The following FRMD8 variants were observed in gnomAD, a reference collection of about 807,000 sequenced individuals.
The protein encoded by FRMD8 is FERM domain-containing protein 8.
Under a neutral mutation model 54.2 loss-of-function variants are expected in FRMD8, and 37 were observed. The observed-to-expected ratio is 0.68, with a 90% CI of 0.53 to 0.90. The LOEUF is 0.90. Among genes scored for constraint, FRMD8 ranks in the 40% least tolerant of loss-of-function variants. The probability of loss-of-function intolerance (pLI) is 0.00; values close to 1 mark genes in which losing one functional copy is unlikely to be tolerated. For synonymous variants in FRMD8, 246 were observed against 286.9 expected (o/e 0.86, Z 1.44); for missense variants, 585 against 653.7 (o/e 0.89, Z 1.15).
At chr11:65,391,076 C>T (rs147183686) in intron 3 of FRMD8, among the ~76,000 whole-genome samples, 6 of 152,392 alleles carry the variant, frequency 3.9e-5, no homozygotes, top group African/African-American at 9.6e-5. Flanking sequence ...GCCCCAGGGC[C>T]GTGAGTGCCC....
chr11:65,382,011 C>T, upstream of FRMD8: 1 of 1,417,134 alleles, frequency 7.1e-7, no homozygotes, highest in Non-Finnish European at 1.0e-6. The surrounding 1 kb of genome is among the most constrained non-coding windows in gnomAD (Gnocchi z 4.4). Flanking sequence ...ATTCCCCCCT[C>T]TCCCTCCCCT....
intron 6 of FRMD8, among the ~76,000 whole-genome samples, chr11:65,396,181 A>G (rs531665081): frequency 6.6e-6 from 1 of 152,150 alleles, no homozygotes; most frequent in African/African-American, 2.4e-5. Flanking sequence ...GGCAGGAGGC[A>G]GGAAGGGTTG....
chr11:65,395,507 C>T (rs372588267), intron 6 of FRMD8, among the ~76,000 whole-genome samples: 1 of 152,206 alleles, frequency 6.6e-6, no homozygotes, highest in African/African-American at 2.4e-5. Flanking sequence ...CCATTGCACT[C>T]TAGCCTGGGC....
At chr11:65,396,713 T>C in intron 6 of FRMD8, 86 bp from the exon 7 acceptor site, 1 of 847,308 alleles carries the variant, frequency 1.2e-6, no homozygotes, top group Middle Eastern at 2.4e-4. Context: ...GTCTGCTTCC[T>C]CCAGGCAGCC....
the FRMD8 span, chr11:65,378,323 C>T: frequency 6.6e-6 from 1 of 152,242 alleles, no homozygotes; most frequent in East Asian, 1.9e-4. Flanking sequence ...CCACTCCACA[C>T]TAAAACACAT....
At chr11:65,370,167 G>T in the FRMD8 span, among the ~76,000 whole-genome samples, 1 of 151,534 alleles carries the variant, frequency 6.6e-6, no homozygotes, top group African/African-American at 2.4e-5. Flanking sequence ...GCTGCAGTGG[G>T]CTTTGATCCT....
chr11:65,381,877 T>C (rs765180631), upstream of FRMD8: 12 of 1,611,978 alleles, frequency 7.4e-6, no homozygotes, highest in South Asian at 4.4e-5. Context: ...TGACCTACCA[T>C]TGGGTGTGAT....
chr11:65,372,415 A>G, the FRMD8 span, among the ~76,000 whole-genome samples: 2 of 152,170 alleles, frequency 1.3e-5, no homozygotes, highest in African/African-American at 4.8e-5. Context: ...GATTGGTGGA[A>G]GGAACTTGGG....
Position 65,412,870 on chromosome 11 carries a change from T to G in FRMD8, c.*1510T>G, listed in dbSNP as rs911006055. ...TTGGAATGTCCTGGTCACAGGGTCA[T>G]GTCAGCTGCCAGTTCTCGTCTCCCG... is the stretch of plus-strand genomic sequence containing the variant. On this transcript the variant is annotated 3_prime_UTR_variant, in exon 11 of 11. Coordinates refer to ENST00000317568, the MANE Select transcript of FRMD8 (RefSeq NM_031904.5). 1 of 152,300 alleles carries G rather than the reference T, an allele frequency of 6.6e-6. No homozygotes were observed. Among genetic ancestry groups the G allele is most frequent in the Non-Finnish European group, 1.5e-5 (1 of 68,070 alleles). The allele number at this position is 152,300 out of a possible 1,614,324, so 9.4% of individuals were successfully genotyped here.
upstream of FRMD8, among the ~76,000 whole-genome samples, chr11:65,383,906 C>T (rs999010732): frequency 2.6e-5 from 4 of 152,056 alleles, no homozygotes; most frequent in South Asian, 2.1e-4. Flanking sequence ...ACCCAATGGG[C>T]GGTTACATTA....
intron 3 of FRMD8, among the ~76,000 whole-genome samples, chr11:65,390,534 T>C (rs933053220): frequency 6.6e-6 from 1 of 151,770 alleles, no homozygotes; most frequent in African/African-American, 2.4e-5. Context: ...GCACCCCTGC[T>C]CCCCACCCTC....
In FRMD8 at chr11:65,400,777, C is replaced by G; in HGVS notation, c.981C>G (p.Pro327=). ...FQELSWDHTS[P]EEEEPILWLE... is the part of the protein sequence containing the mutation. ...AGCTGTCGTGGGACCACACCTCCCC[C>G]GAGGAGGAGGAGCCCATCTTGTGGC... Residue 327 remains proline (P), a synonymous_variant, in exon 9 of 11, where the codon CCC becomes CCG. Coordinates refer to ENST00000317568, the MANE Select transcript of FRMD8 (RefSeq NM_031904.5). The surrounding 1 kb of genome is among the most constrained non-coding windows in gnomAD (Gnocchi z 4.3). The G allele has an allele frequency of 1.2e-6, 2 of 1,611,712 alleles. No individual in the cohort carries two copies. The highest frequency in any genetic ancestry group is 1.7e-6 in the Non-Finnish European group (2 of 1,179,232).
intron 6 of FRMD8, 55 bp downstream of exon 6, chr11:65,394,480 G>C: frequency 6.6e-7 from 1 of 1,525,034 alleles, no homozygotes. Flanking sequence ...TTTGTCCTTG[G>C]AATGGAACTT....
rs373779405 is a variant in FRMD8 at position 65,400,219 on chromosome 11, G to A, written c.927+360G>A. ...GCTGACCGTGTCCTCTTCTTTCTGC[G>A]TTTGGTGGCCAGCCCTGGGTAGAGA... On this transcript the variant is annotated intron_variant, in intron 8 of 10. Transcript: ENST00000317568. The surrounding 1 kb of genome is among the most constrained non-coding windows in gnomAD (Gnocchi z 4.3). Among the ~76,000 whole-genome samples the A allele has an allele frequency of 6.6e-6, 1 of 152,218 alleles. No homozygotes were observed. The highest frequency in any genetic ancestry group is 2.4e-5 in the African/African-American group (1 of 41,444).
Position 65,400,911 on chromosome 11 carries a change from A to G in FRMD8, c.1071+44A>G. The stretch of plus-strand genomic sequence containing the variant: ...GCACACGGGTGGGGAGGCTGGGCCC[A>G]GGTGCCCTGGGTCCCAGACAATTAG... On this transcript the variant is annotated intron_variant, in intron 9 of 10. Coordinates refer to ENST00000317568, the MANE Select transcript of FRMD8 (RefSeq NM_031904.5). The surrounding 1 kb of genome is among the most constrained non-coding windows in gnomAD (Gnocchi z 4.3). 6.5e-7 allele frequency: 1 copy of G among 1,547,648 alleles called. No homozygotes were observed.
Position 65,396,976 on chromosome 11 carries a change from C to G in FRMD8, c.759C>G (p.His253Gln), listed in dbSNP as rs1305634515. 1 of 1,492,220 alleles carries G rather than the reference C, an allele frequency of 6.7e-7. No homozygotes were observed. Among genetic ancestry groups the G allele is most frequent in the Non-Finnish European group, 9.0e-7 (1 of 1,117,048 alleles). The allele number at this position is 1,492,220 out of a possible 1,614,324, so 92.4% of individuals were successfully genotyped here. A position where few individuals can be genotyped will look rare whatever the true frequency, so the allele number is the denominator to read the frequency against. Residue 253 changes from histidine (H) to glutamine (Q), a missense_variant, in exon 7 of 11, where the codon CAC (histidine) becomes CAG (glutamine). By Grantham distance (24) the His-to-Gln change is conservative. Transcript: ENST00000317568. ...DGGCEAALGTHYRAYLLKCHE... is the reference protein window; with the variant it reads ...DGGCEAALGTQYRAYLLKCHE... ...GGTGCGAGGCCGCCCTGGGCACCCA[C>G]TACCGCGCCTATCTCCTCAAGTGCC...
chr11:65,404,495 G>T lies in FRMD8; in HGVS notation c.1072-369G>T, dbSNP rs1342733626. On this transcript the variant is annotated intron_variant, in intron 9 of 10. Transcript: ENST00000317568. The surrounding 1 kb of genome is among the most constrained non-coding windows in gnomAD (Gnocchi z 4.7). ...CTCCTGGCTGCAGGTTTTCCTCCCA[G>T]CCAGCACCACCCGCCTCCCCGCCCC... Among the ~76,000 whole-genome samples the T allele has an allele frequency of 6.6e-6, 1 of 151,612 alleles. No homozygotes were observed. The highest frequency in any genetic ancestry group is 1.9e-4 in the East Asian group (1 of 5,166).
the FRMD8 span, among the ~76,000 whole-genome samples, chr11:65,372,155 G>T: frequency 3.9e-5 from 6 of 152,084 alleles, no homozygotes; most frequent in African/African-American, 1.4e-4. Context: ...CAGGTGATCT[G>T]CCCACCTTGG....
intron 10 of FRMD8, among the ~76,000 whole-genome samples, chr11:65,407,820 C>T (rs1300884996): frequency 3.4e-5 from 5 of 148,442 alleles, no homozygotes; most frequent in Non-Finnish European, 5.9e-5. Context: ...GGAGGCGGAG[C>T]TTGCAGTGAG....
Sources: gnomAD v4.1 joint callset for allele counts (sites outside exome capture counted in the v4.1 genomes callset) on GRCh38, gnomAD v4.1.1 for gene constraint, Gnocchi (gnomAD v3.1) non-coding constraint, MANE v1.5 for transcripts, NCBI Gene and HGNC (gene_info 2026-07-23, HGNC 2026-07-21) for gene names.